The following CDK2 variants were observed in gnomAD, a reference collection of about 807,000 sequenced individuals.
CDK2 encodes cyclin dependent kinase 2.
A neutral mutation model predicts 35.0 loss-of-function variants in CDK2; 8 were observed. The ratio of observed to expected loss-of-function variants is 0.23; its 90% confidence interval spans 0.13 to 0.41. The LOEUF (loss-of-function observed/expected upper bound fraction) is 0.41, where lower values mean the gene tolerates loss of function less well. CDK2 is among the 10% of genes least tolerant of loss of function. The pLI is 1.00. For synonymous variants in CDK2, 134 were observed against 137.7 expected (o/e 0.97, Z 0.19); for missense variants, 201 against 367.1 (o/e 0.55, Z 3.70).
intron 3 of CDK2, 105 bp downstream of exon 3, chr12:55,968,274 A>C (rs1889387463): frequency 8.8e-7 from 1 of 1,134,902 alleles, no homozygotes. Context: ...CTGAGCCCTC[A>C]TCTCCTATAC....
rs1889468613 is a variant in CDK2 at position 55,971,312 on chromosome 12, G to A, written c.792+65G>A. ...AGGGAAGGGCTTTTCCAGGATGAAG[G>A]AAGGATGAGACCCTGAAATCTGGGC... On this transcript the variant is annotated intron_variant, in intron 6 of 6. Transcript: ENST00000266970. The A allele has an allele frequency of 6.0e-6, 9 of 1,488,366 alleles. No homozygotes were observed. In the Admixed American group the frequency reaches 1.3e-4, roughly 22 times the overall value. 92.2% of individuals were successfully genotyped at this position (1,488,366 alleles called of 1,614,324 possible).
Position 55,969,631 on chromosome 12 carries a change from A to G in CDK2, c.588+55A>G. ...CCCCCTCCCTCTCCTCCCCACATCC[A>G]AGAACAACAGAACTGCTTCTTGGCC... On this transcript the variant is annotated intron_variant, in intron 5 of 6. Transcript: ENST00000266970. 5.0e-6 allele frequency: 5 copies of G among 992,682 alleles called. No individual in the cohort carries two copies. The South Asian group carries it at 5.7e-5, about 11-fold the overall frequency. The allele number at this position is 992,682 out of a possible 1,614,324, so 61.5% of individuals were successfully genotyped here.
Position 55,967,050 on chromosome 12 carries a change from G to A in CDK2, c.42G>A (p.Thr14=). Residue 14 remains threonine (T), a synonymous_variant, in exon 1 of 7, where the codon ACG becomes ACA. Coordinates refer to ENST00000266970, the MANE Select transcript of CDK2 (RefSeq NM_001798.5). ...AGGTGGAAAAGATCGGAGAGGGCAC[G>A]TACGGAGTTGTGTACAAAGCCAGAA... ...FQKVEKIGEG[T]YGVVYKARNK... 5 of 1,613,974 alleles carry A rather than the reference G, an allele frequency of 3.1e-6. No homozygotes were observed. The highest frequency in any genetic ancestry group is 2.5e-6 in the Non-Finnish European group (3 of 1,179,960).
chr12:55,967,080 G>A lies in CDK2; in HGVS notation c.72G>A (p.Lys24=). Residue 24 remains lysine (K), a synonymous_variant, in exon 1 of 7, where the codon AAG becomes AAA. Transcript: ENST00000266970. ...GAGTTGTGTACAAAGCCAGAAACAAGTTGACGGGAGAGGTGGTGGCGCTTA... is the reference window on the plus strand; with the variant it reads ...GAGTTGTGTACAAAGCCAGAAACAAATTGACGGGAGAGGTGGTGGCGCTTA... ...TYGVVYKARN[K]LTGEVVALKK... is the part of the protein sequence containing the mutation. 1 of 1,614,018 alleles carries A rather than the reference G, an allele frequency of 6.2e-7. No individual in the cohort carries two copies. Among genetic ancestry groups the A allele is most frequent in the Non-Finnish European group, 8.5e-7 (1 of 1,179,986 alleles).
Position 55,967,095 on chromosome 12 carries a change from G to A in CDK2, c.87G>A (p.Val29=), listed in dbSNP as rs752789935. 9 of 1,613,518 alleles carry A rather than the reference G, an allele frequency of 5.6e-6. No homozygotes were observed. The East Asian group carries it at 8.9e-5, about 16-fold the overall frequency. The part of the protein sequence containing the change: ...YKARNKLTGE[V]VALKKIRLDT... ...CCAGAAACAAGTTGACGGGAGAGGT[G>A]GTGGCGCTTAAGAAAATCCGCCTGG... Residue 29 remains valine, a synonymous_variant, in exon 1 of 7, where the codon GTG becomes GTA. Transcript: ENST00000266970.
At position 55,968,801 on chromosome 12, in the gene CDK2, G is replaced by A; in HGVS notation, c.339G>A (p.Gln113=). 1 of 1,604,864 alleles carries A rather than the reference G, an allele frequency of 6.2e-7. No individual in the cohort carries two copies. The highest frequency in any genetic ancestry group is 8.5e-7 in the Non-Finnish European group (1 of 1,176,418). Residue 113 remains glutamine, a synonymous_variant, in exon 4 of 7, where the codon CAG becomes CAA. Transcript: ENST00000266970. Reference sequence around the variant, plus strand: ...AGAGCTATCTGTTCCAGCTGCTCCAGGGCCTAGCTTTCTGCCATTCTCATC... The same window carrying A: ...AGAGCTATCTGTTCCAGCTGCTCCAAGGCCTAGCTTTCTGCCATTCTCATC... ...LIKSYLFQLL[Q]GLAFCHSHRV... is the part of the protein sequence containing the mutation.
intron 6 of CDK2, 130 bp downstream of exon 6, chr12:55,971,377 GCA>G: frequency 9.1e-7 from 1 of 1,096,090 alleles, no homozygotes; most frequent in Non-Finnish European, 1.4e-6. Flanking sequence ...CTCCCTGTTG[GCA>G]CACTGATTCA....
intron 1 of CDK2, 83 bp downstream of exon 1, chr12:55,967,207 C>T: frequency 9.8e-7 from 1 of 1,020,206 alleles, no homozygotes; most frequent in Non-Finnish European, 1.5e-6. Context: ...GGTAGCCGTC[C>T]AGGGACCGGA....
intron 5 of CDK2, 171 bp downstream of exon 5, chr12:55,969,747 A>G (rs1196196622): frequency 2.2e-6 from 1 of 458,636 alleles, no homozygotes; most frequent in Non-Finnish European, 3.9e-6. Context: ...CCCTGATATC[A>G]ACCACAGTGT....
intron 1 of CDK2, 41 bp from the exon 2 acceptor site, chr12:55,967,816 T>G (rs1233854867): frequency 6.6e-7 from 1 of 1,504,584 alleles, no homozygotes; most frequent in Admixed American, 1.7e-5. Flanking sequence ...AAGGAATATT[T>G]GTAACCATAT....
chr12:55,966,853 A>G lies in CDK2; in HGVS notation c.-156A>G. ...ACATTGTTTCAAGTTGGCCAAATTG[A>G]CAAGAGCGAGAGGTATACTGCGTTC... On this transcript the variant is annotated 5_prime_UTR_variant, in exon 1 of 7. Transcript: ENST00000266970. The G allele has an allele frequency of 1.2e-6, 1 of 844,498 alleles. No individual in the cohort carries two copies. Among genetic ancestry groups the G allele is most frequent in the Non-Finnish European group, 1.8e-6 (1 of 569,034 alleles). 52.3% of individuals were successfully genotyped at this position (844,498 alleles called of 1,614,324 possible). A position where few individuals can be genotyped will look rare whatever the true frequency, so the allele number is the denominator to read the frequency against.
rs961070021 is a variant in CDK2, at chr12:55,966,892, G to A, written c.-117G>A. 5 of 944,100 alleles carry A rather than the reference G, an allele frequency of 5.3e-6. No individual in the cohort carries two copies. The Admixed American group carries it at 7.3e-5, about 14-fold the overall frequency. The allele number at this position is 944,100 out of a possible 1,614,324, so 58.5% of individuals were successfully genotyped here. On this transcript the variant is annotated 5_prime_UTR_variant, in exon 1 of 7. Transcript: ENST00000266970. The stretch of plus-strand genomic sequence containing the variant: ...TATACTGCGTTCCATCCCGACCCGG[G>A]GCCACGGTACTGGGCCCTGTTTCCC...
intron 5 of CDK2, chr12:55,970,463 G>T (rs1021957526): frequency 8.3e-6 from 5 of 599,308 alleles, no homozygotes; most frequent in Non-Finnish European, 1.5e-5. Context: ...ATGTTTTATT[G>T]TCTTTTATCT....
At chr12:55,967,621 C>G in intron 1 of CDK2, 1 of 555,772 alleles carries the variant, frequency 1.8e-6, no homozygotes, top group Non-Finnish European at 3.2e-6. Flanking sequence ...CCTGCTTCAC[C>G]TTCACCAGGC....
At chr12:55,968,289 A>G in intron 3 of CDK2, 120 bp downstream of exon 3, 1 of 936,120 alleles carries the variant, frequency 1.1e-6, no homozygotes, top group South Asian at 1.6e-5. Context: ...CTATACACAC[A>G]CACTCCCCTT....
At chr12:55,969,298 A>G (rs1174281348) in intron 4 of CDK2, among the ~76,000 whole-genome samples, 177 bp from the exon 5 acceptor site, 1 of 152,118 alleles carries the variant, frequency 6.6e-6, no homozygotes, top group Non-Finnish European at 1.5e-5. Context: ...GAAGATCTCA[A>G]ATTAGGGGTT....
In CDK2 at chr12:55,968,782, A is replaced by G; in HGVS notation, c.320A>G (p.Tyr107Cys). The change falls in exon 4 of 7, where the codon TAT becomes TGT. Residue 107 changes from tyrosine to cysteine, a missense_variant. By Grantham distance (194) the Tyr-to-Cys change is radical. Coordinates refer to ENST00000266970, the MANE Select transcript of CDK2 (RefSeq NM_001798.5). ...CCTCTCTTTCTCCTTTGTCAGAGCTATCTGTTCCAGCTGCTCCAGGGCCTA... is the reference window on the plus strand; with the variant it reads ...CCTCTCTTTCTCCTTTGTCAGAGCTGTCTGTTCCAGCTGCTCCAGGGCCTA... ...TGIPLPLIKS[Y>C]LFQLLQGLAF... The G allele has an allele frequency of 6.3e-7, 1 of 1,592,418 alleles. No individual in the cohort carries two copies. Among genetic ancestry groups the G allele is most frequent in the Non-Finnish European group, 8.5e-7 (1 of 1,171,260 alleles).
At chr12:55,967,158 G>A in intron 1 of CDK2, 34 bp downstream of exon 1, 1 of 1,503,536 alleles carries the variant, frequency 6.7e-7, no homozygotes. Context: ...CTCCTAACTG[G>A]GGACCTCCTT....
At chr12:55,970,719 C>T (rs1374694794) in intron 5 of CDK2, 1 of 701,958 alleles carries the variant, frequency 1.4e-6, no homozygotes, top group African/African-American at 1.7e-5. Context: ...TGGGGGATGA[C>T]CGCAGTGTCT....
Sources: gnomAD v4.1 joint callset for allele counts (sites outside exome capture counted in the v4.1 genomes callset) on GRCh38, gnomAD v4.1.1 for gene constraint, MANE v1.5 for transcripts, NCBI Gene and HGNC (gene_info 2026-07-23, HGNC 2026-07-21) for gene names.